Variants in DYM observed in about 807,000 individuals in gnomAD.
DYM encodes dyggve-Melchior-Clausen syndrome protein.
A neutral mutation model predicts 93.1 loss-of-function variants in DYM; 78 were observed. The observed-to-expected ratio is 0.84, with a 90% CI of 0.70 to 1.01. DYM has a LOEUF of 1.01. Among genes scored for constraint, DYM ranks in the 50% least tolerant of loss-of-function variants. DYM has a pLI of 0.00. For missense variants in DYM, 789 were observed against 845.0 expected, an observed-to-expected ratio of 0.93 and a Z score of 0.82; for synonymous variants, 321 against 319.7, an observed-to-expected ratio of 1.00 and a Z score of -0.04.
intron 5 of DYM, among the ~76,000 whole-genome samples, chr18:49,366,881 C>G (rs1410528409): frequency 6.6e-6 from 1 of 151,998 alleles, no homozygotes; most frequent in Non-Finnish European, 1.5e-5. Context: ...ATGAAGACAT[C>G]AAGGCTCAGA....
intron 1 of DYM, among the ~76,000 whole-genome samples, chr18:49,441,341 ATAAT>A (rs2081600663): frequency 2.5e-5 from 2 of 80,054 alleles, no homozygotes; most frequent in South Asian, 3.4e-4. Flanking sequence ...ATAATTATAT[ATAAT>A]TAATATATAA....
At chr18:49,280,774 T>C (rs1253438128) in intron 10 of DYM, among the ~76,000 whole-genome samples, 2 of 152,230 alleles carry the variant, frequency 1.3e-5, no homozygotes, top group East Asian at 3.9e-4. Flanking sequence ...TTTGCCCTCT[T>C]GGGAAAAGAA....
intron 13 of DYM, among the ~76,000 whole-genome samples, chr18:49,228,035 A>T (rs887185513): frequency 3.6e-4 from 55 of 152,270 alleles, no homozygotes; most frequent in African/African-American, 1.2e-3. Flanking sequence ...GCAACTTCAC[A>T]AAATGAATTT....
intron 2 of DYM, among the ~76,000 whole-genome samples, chr18:49,416,455 G>C: frequency 6.6e-6 from 1 of 152,198 alleles, no homozygotes; most frequent in East Asian, 1.9e-4. Flanking sequence ...CTCTGGAGAA[G>C]AGTATTCAGG....
At chr18:49,400,773 T>C (rs991037070) in intron 2 of DYM, among the ~76,000 whole-genome samples, 19 of 152,004 alleles carry the variant, frequency 1.2e-4, no homozygotes, top group Admixed American at 9.8e-4. Context: ...TCTTGGAACA[T>C]TTTAAGAATA....
chr18:49,202,908 G>T (rs1336693939), intron 14 of DYM, among the ~76,000 whole-genome samples: 4 of 138,134 alleles, frequency 2.9e-5, no homozygotes, highest in Admixed American at 2.9e-4. Context: ...AGGTTGGGGG[G>T]GGTCAGCCCC....
At chr18:49,239,494 C>T (rs2093962344) in intron 13 of DYM, among the ~76,000 whole-genome samples, 1 of 152,190 alleles carries the variant, frequency 6.6e-6, no homozygotes, top group African/African-American at 2.4e-5. Context: ...GGGCTGGTCT[C>T]GTGACCTGCT....
chr18:49,168,383 G>T (rs1036987334), intron 14 of DYM, among the ~76,000 whole-genome samples: 1 of 152,158 alleles, frequency 6.6e-6, no homozygotes, highest in African/African-American at 2.4e-5. Context: ...ATGCTATCTT[G>T]AAGAAAACAG....
intron 17 of DYM, among the ~76,000 whole-genome samples, chr18:49,071,000 T>C (rs1213141027): frequency 6.6e-6 from 1 of 152,208 alleles, no homozygotes; most frequent in African/African-American, 2.4e-5. Context: ...AGAGGCTGTA[T>C]GGTGGAATGT....
chr18:49,236,195 A>C (rs1192094182), intron 13 of DYM, among the ~76,000 whole-genome samples: 1 of 152,170 alleles, frequency 6.6e-6, no homozygotes, highest in African/African-American at 2.4e-5. Flanking sequence ...AAAATATGTA[A>C]ATAGGCCAGG....
chr18:49,164,640 T>G (rs919370710), intron 14 of DYM, among the ~76,000 whole-genome samples: 1 of 152,246 alleles, frequency 6.6e-6, no homozygotes, highest in Non-Finnish European at 1.5e-5. Context: ...TCTTGAATGT[T>G]TGTATAAATG....
intron 8 of DYM, among the ~76,000 whole-genome samples, chr18:49,317,582 TCTCTCTCTCTCTCTCCCCC>T (rs1208466839): frequency 8.2e-4 from 10 of 12,214 alleles, no homozygotes; most frequent in East Asian, 4.4e-3. Context: ...TCTCTCTCTC[TCTCTCTCTCTCTCTCCCCC>T]CTCCCCCCTC....
chr18:49,233,751 C>T (rs943423912), intron 13 of DYM, among the ~76,000 whole-genome samples: 17 of 152,140 alleles, frequency 1.1e-4, no homozygotes, highest in African/African-American at 4.1e-4. Context: ...TCTCAGCTTC[C>T]ACTGCTGTTA....
In DYM at chr18:49,037,859, C is replaced by G. The variant is rs923009366; in HGVS notation, c.*6196G>C. On this transcript the variant is annotated 3_prime_UTR_variant, in exon 18 of 18. Coordinates refer to ENST00000675505, the MANE Select transcript of DYM (RefSeq NM_001353214.3). ...TTTTTTTCTGAGACAGGGTCTTGCT[C>G]TGTCACCCAAGCTGGAGTGCAGTAG... 6.6e-6 allele frequency among the ~76,000 whole-genome samples: 1 copy of G among 152,156 alleles called. No homozygotes were observed. The highest frequency in any genetic ancestry group is 2.4e-5 in the African/African-American group (1 of 41,422).
chr18:49,419,918 G>A (rs979465789), intron 2 of DYM, among the ~76,000 whole-genome samples: 15 of 151,960 alleles, frequency 9.9e-5, no homozygotes, highest in East Asian at 1.9e-4. Context: ...TCTCCATTTC[G>A]CCCTCTTTTC....
intron 16 of DYM, among the ~76,000 whole-genome samples, chr18:49,099,074 T>C (rs1405589947): frequency 6.6e-6 from 1 of 152,156 alleles, no homozygotes; most frequent in Non-Finnish European, 1.5e-5. Context: ...CTAACACCTA[T>C]GCATATTATC....
chr18:49,373,909 G>A (rs2067260217), intron 5 of DYM, among the ~76,000 whole-genome samples: 1 of 152,022 alleles, frequency 6.6e-6, no homozygotes, highest in South Asian at 2.1e-4. Flanking sequence ...TGGTACTACT[G>A]GCATCACAAA....
At chr18:49,349,197 G>A (rs545741818) in intron 6 of DYM, among the ~76,000 whole-genome samples, 3 of 151,956 alleles carry the variant, frequency 2.0e-5, no homozygotes, top group Non-Finnish European at 4.4e-5. Context: ...GACAGAGTGA[G>A]ACTGTCTCAA....
intron 17 of DYM, among the ~76,000 whole-genome samples, chr18:49,061,060 C>A (rs570516367): frequency 5.9e-5 from 9 of 152,302 alleles, no homozygotes; most frequent in Non-Finnish European, 1.0e-4. Flanking sequence ...ATGGAAACCA[C>A]TGCCACAGAA....
Sources: allele counts gnomAD v4.1 joint callset (sites outside exome capture counted in the v4.1 genomes callset), GRCh38; gene constraint gnomAD v4.1.1; transcripts MANE v1.5; gene names NCBI Gene and HGNC (gene_info 2026-07-23, HGNC 2026-07-21).